Variants in NFIA observed in about 807,000 individuals in gnomAD.
NFIA encodes nuclear factor 1 A-type.
A neutral mutation model predicts 62.8 loss-of-function variants in NFIA; 8 were observed. The ratio of observed to expected loss-of-function variants is 0.13; its 90% CI spans 0.07 to 0.23. NFIA has a LOEUF of 0.23. Ranked by LOEUF, NFIA falls within the 10% of genes least tolerant of loss-of-function variation. The pLI is 1.00. For synonymous variants in NFIA, 235 were observed against 238.1 expected (o/e 0.99, Z 0.12); for missense variants, 410 against 642.1 (o/e 0.64, Z 3.91).
At chr1:61,118,169 A>T (rs540967799) in intron 2 of NFIA, among the ~76,000 whole-genome samples, 1 of 149,114 alleles carries the variant, frequency 6.7e-6, no homozygotes, top group South Asian at 2.2e-4. Flanking sequence ...TGGGCAACAG[A>T]GTGAGACTCT....
chr1:61,088,634 T>C lies in NFIA; in HGVS notation c.513T>C (p.Ser171=). 2 of 1,614,022 alleles carry C rather than the reference T, an allele frequency of 1.2e-6. No homozygotes were observed. The highest frequency in any genetic ancestry group is 1.7e-6 in the Non-Finnish European group (2 of 1,179,958). ...TCCAACCCCATCACATAGGGGTTTC[T>C]GTTAAGGAACTCGATTTATATTTGG... ...LCVQPHHIGV[S]VKELDLYLAY... is the part of the protein sequence containing the mutation. The change falls in exon 2 of 11, where the codon TCT becomes TCC. Residue 171 remains serine, a synonymous_variant. Transcript: ENST00000403491. This position sits in a 1 kb window ranked among gnomAD's most constrained non-coding sequence, Gnocchi z 4.5.
intron 2 of NFIA, among the ~76,000 whole-genome samples, chr1:61,269,298 C>A (rs151023911): frequency 6.6e-6 from 1 of 151,306 alleles, no homozygotes; most frequent in Admixed American, 6.6e-5. Context: ...TTAAAGAATA[C>A]TTTCTATTAT....
chr1:61,164,987 G>A (rs952295744), intron 2 of NFIA, among the ~76,000 whole-genome samples: 5 of 152,146 alleles, frequency 3.3e-5, no homozygotes, highest in Non-Finnish European at 5.9e-5. Flanking sequence ...GGTCGGAGAG[G>A]CAGCCAGTGC....
chr1:61,261,449 C>T (rs918985323), intron 2 of NFIA, among the ~76,000 whole-genome samples: 1 of 152,208 alleles, frequency 6.6e-6, no homozygotes, highest in African/African-American at 2.4e-5. Flanking sequence ...TTTTGCCCAA[C>T]TGCAGGATAA....
intron 3 of NFIA, among the ~76,000 whole-genome samples, chr1:61,278,819 G>T (rs886994433): frequency 2.6e-5 from 4 of 152,146 alleles, no homozygotes; most frequent in African/African-American, 9.7e-5. Context: ...AGCTCAGGCT[G>T]TGACCTGCAT....
At chr1:61,170,569 ACC>A in intron 2 of NFIA, among the ~76,000 whole-genome samples, 1 of 152,150 alleles carries the variant, frequency 6.6e-6, no homozygotes, top group East Asian at 1.9e-4. Context: ...TAGGACTGTA[ACC>A]AAACTTGAAC....
chr1:61,114,880 G>C (rs1255134514), intron 2 of NFIA, among the ~76,000 whole-genome samples: 1 of 152,126 alleles, frequency 6.6e-6, no homozygotes, highest in Non-Finnish European at 1.5e-5. Context: ...GAGAAAAGTG[G>C]ATATAATATT....
chr1:61,445,108 A>G (rs1165668508), intron 10 of NFIA, among the ~76,000 whole-genome samples: 2 of 152,244 alleles, frequency 1.3e-5, no homozygotes, highest in African/African-American at 4.8e-5. Context: ...CGAGATCTCC[A>G]TCTCAGAAGT....
intron 2 of NFIA, among the ~76,000 whole-genome samples, chr1:61,210,518 C>T (rs1275604270): frequency 6.6e-6 from 1 of 152,198 alleles, no homozygotes; most frequent in Non-Finnish European, 1.5e-5. Flanking sequence ...TGGCATCTAT[C>T]ACAGTCCTGA....
intron 9 of NFIA, among the ~76,000 whole-genome samples, chr1:61,415,947 A>G (rs555140068): frequency 5.3e-5 from 8 of 152,270 alleles, no homozygotes; most frequent in African/African-American, 9.6e-5. Flanking sequence ...CCAACTGAGT[A>G]TTGTACATTA....
At chr1:61,160,952 T>C (rs549487419) in intron 2 of NFIA, among the ~76,000 whole-genome samples, 1 of 152,332 alleles carries the variant, frequency 6.6e-6, no homozygotes, top group Admixed American at 6.5e-5. Context: ...CCTCACTCTG[T>C]TGTCCAGGCT....
chr1:61,171,418 A>C (rs1649957194), intron 2 of NFIA, among the ~76,000 whole-genome samples: 1 of 152,200 alleles, frequency 6.6e-6, no homozygotes, highest in African/African-American at 2.4e-5. Context: ...TAATTATGAA[A>C]TATTTTGAAA....
chr1:61,273,382 CTGT>C (rs1332645058), intron 2 of NFIA, among the ~76,000 whole-genome samples: 2 of 152,156 alleles, frequency 1.3e-5, no homozygotes, highest in Non-Finnish European at 2.9e-5. Context: ...TTTCTAAACA[CTGT>C]GTAAGATTTC....
intron 2 of NFIA, among the ~76,000 whole-genome samples, chr1:61,178,537 G>A (rs146752624): frequency 2.6e-5 from 4 of 152,320 alleles, no homozygotes; most frequent in African/African-American, 9.6e-5. Flanking sequence ...TGAAGGATAT[G>A]TGTAACCAGA....
At position 61,406,552 on chromosome 1, in the gene NFIA, C is replaced by CG. The variant is rs780565809; in HGVS notation, c.1255-10_1255-9insG. On this transcript the variant is annotated splice_polypyrimidine_tract_variant and intron_variant, in intron 8 of 10. Coordinates refer to ENST00000403491, the MANE Select transcript of NFIA (RefSeq NM_001134673.4). Reference sequence around the variant, plus strand: ...TGTACGTGTGTTTTCTGCCCCCCCCCCCCCCACAGCCCAATGGGAGCAGCC... The same window carrying CG: ...TGTACGTGTGTTTTCTGCCCCCCCCCGCCCCCACAGCCCAATGGGAGCAGCC... The CG allele has an allele frequency of 1.3e-4, 157 of 1,250,838 alleles. 6 individuals carry two copies. In the East Asian group the frequency reaches 2.8e-3, roughly 22 times the overall value. 77.5% of individuals were successfully genotyped at this position (1,250,838 alleles called of 1,614,324 possible).
intron 9 of NFIA, among the ~76,000 whole-genome samples, chr1:61,414,151 T>A (rs1464012038): frequency 6.6e-6 from 1 of 151,964 alleles, no homozygotes; most frequent in African/African-American, 2.4e-5. Flanking sequence ...TCCAGCTAAT[T>A]TTTGTATTTT....
At chr1:61,297,204 A>G (rs1013614081) in intron 3 of NFIA, among the ~76,000 whole-genome samples, 2 of 152,164 alleles carry the variant, frequency 1.3e-5, no homozygotes, top group African/African-American at 2.4e-5. Flanking sequence ...TCTTTTCAAG[A>G]TGTTTTCATT....
rs1668444643 is a variant in NFIA at position 61,459,460 on chromosome 1, T to A, written c.*4140T>A. On this transcript the variant is annotated 3_prime_UTR_variant, in exon 11 of 11. Coordinates refer to ENST00000403491, the MANE Select transcript of NFIA (RefSeq NM_001134673.4). The stretch of plus-strand genomic sequence containing the variant: ...CCATGCTAGAGAGCCTTCTCTTTCC[T>A]CTGAGGTTTGAACTGATGTTCTGTG... 1 of 152,272 alleles carries A rather than the reference T, an allele frequency of 6.6e-6. No individual in the cohort carries two copies. Among genetic ancestry groups the A allele is most frequent in the Non-Finnish European group, 1.5e-5 (1 of 68,090 alleles). The allele number at this position is 152,272 out of a possible 1,614,324, so 9.4% of individuals were successfully genotyped here. A position where few individuals can be genotyped will look rare whatever the true frequency, so the allele number is the denominator to read the frequency against.
At chr1:61,200,008 ATG>A (rs1557631713) in intron 2 of NFIA, among the ~76,000 whole-genome samples, 4 of 64,990 alleles carry the variant, frequency 6.2e-5, no homozygotes, top group East Asian at 7.4e-4. Flanking sequence ...AAATATATAT[ATG>A]TATATATATA....
Sources: gnomAD v4.1 joint callset for allele counts (sites outside exome capture counted in the v4.1 genomes callset) on GRCh38, gnomAD v4.1.1 for gene constraint, Gnocchi (gnomAD v3.1) non-coding constraint, MANE v1.5 for transcripts, NCBI Gene and HGNC (gene_info 2026-07-23, HGNC 2026-07-21) for gene names.